Variants in DGCR2 observed in about 807,000 individuals in gnomAD.
DGCR2 encodes DiGeorge syndrome critical region gene 2.
DGCR2 carries 24 observed loss-of-function variants against 51.6 expected under a neutral mutation model. That is an observed-to-expected ratio of 0.47 (90% CI 0.34 to 0.65). The LOEUF (loss-of-function observed/expected upper bound fraction) is 0.65, where lower values mean the gene tolerates loss of function less well. DGCR2 is among the 30% of genes least tolerant of loss of function. The pLI is 0.01. For synonymous variants in DGCR2, 340 were observed against 315.4 expected, an observed-to-expected ratio of 1.08 and a Z score of -0.82; for missense variants, 765 against 772.1, an observed-to-expected ratio of 0.99 and a Z score of 0.11.
At position 19,078,228 on chromosome 22, in the gene DGCR2, GAT is replaced by G. The variant is rs535492623; in HGVS notation, c.203-10005_203-10004del. The stretch of plus-strand genomic sequence containing the variant: ...TAGTACAGACAGACCCCCAACTTAT[GAT>G]AGTTTGACTAAAAAATTTTTCGACT... On this transcript the variant is annotated intron_variant, in intron 2 of 9. Coordinates refer to ENST00000263196, the MANE Select transcript of DGCR2 (RefSeq NM_005137.3). Among the ~76,000 whole-genome samples, 236 of 152,306 alleles carry G rather than the reference GAT, an allele frequency of 1.5e-3. 1 individual carries two copies. Among genetic ancestry groups the G allele is most frequent in the African/African-American group, 5.4e-3 (223 of 41,564 alleles).
chr22:19,097,986 A>G (rs1433032348), intron 1 of DGCR2, among the ~76,000 whole-genome samples: 1 of 152,220 alleles, frequency 6.6e-6, no homozygotes, highest in African/African-American at 2.4e-5. Flanking sequence ...GGCTCAGGGA[A>G]AAGTTCCTCC....
chr22:19,117,837 C>G (rs764652062), intron 1 of DGCR2, among the ~76,000 whole-genome samples: 2 of 152,066 alleles, frequency 1.3e-5, no homozygotes, highest in Non-Finnish European at 2.9e-5. Context: ...ACATCACTTT[C>G]CAACTAAAAA....
chr22:19,058,080 A>C (rs1290621172), intron 5 of DGCR2, among the ~76,000 whole-genome samples: 1 of 152,146 alleles, frequency 6.6e-6, no homozygotes, highest in African/African-American at 2.4e-5. Context: ...CACCCCATTT[A>C]TAAGCCTCCA....
In DGCR2 at chr22:19,057,940, C is replaced by G. The variant is rs763205022; in HGVS notation, c.626-778G>C. Among the ~76,000 whole-genome samples the G allele has an allele frequency of 2.0e-5, 3 of 152,130 alleles. No homozygotes were observed. The highest frequency in any genetic ancestry group is 4.4e-5 in the Non-Finnish European group (3 of 68,004). On this transcript the variant is annotated intron_variant, in intron 5 of 9. Coordinates refer to ENST00000263196, the MANE Select transcript of DGCR2 (RefSeq NM_005137.3). The surrounding 1 kb of genome is among the most constrained non-coding windows in gnomAD (Gnocchi z 5.1). ...CTCTCCCCTGCACGGCCCTTCCAGT[C>G]TGGGCTGCCAAGATTCCTTGAGGCT...
rs2082368280 is a variant in DGCR2 at position 19,036,324 on chromosome 22, A to T, written c.*2541T>A. ...GTTTATTTGGCATTTGGATGAAATG[A>T]TTCTCACAGCATCTTAAGAAAAGTT... On this transcript the variant is annotated 3_prime_UTR_variant, in exon 10 of 10. Transcript: ENST00000263196. 1 of 152,574 alleles carries T rather than the reference A, an allele frequency of 6.6e-6. No individual in the cohort carries two copies. Among genetic ancestry groups the T allele is most frequent in the Non-Finnish European group, 1.5e-5 (1 of 68,048 alleles). The allele number at this position is 152,574 out of a possible 1,614,324, so 9.5% of individuals were successfully genotyped here.
intron 2 of DGCR2, among the ~76,000 whole-genome samples, chr22:19,085,451 C>A (rs2083004302): frequency 6.6e-6 from 1 of 152,242 alleles, no homozygotes; most frequent in African/African-American, 2.4e-5. Context: ...CCAACATACA[C>A]TATGGCCTGA....
intron 2 of DGCR2, 88 bp downstream of exon 2, chr22:19,089,280 C>G (rs1448849328): frequency 2.1e-6 from 3 of 1,401,646 alleles, no homozygotes; most frequent in African/African-American, 2.9e-5. Context: ...TAAGACAGCA[C>G]ACACCTCCAC....
chr22:19,077,070 G>A (rs2082886135), intron 2 of DGCR2, among the ~76,000 whole-genome samples: 2 of 152,166 alleles, frequency 1.3e-5, no homozygotes, highest in South Asian at 4.1e-4. Flanking sequence ...TGAGCTGTGG[G>A]AATTCTTTTT....
chr22:19,111,947 C>T (rs1329667108), intron 1 of DGCR2, among the ~76,000 whole-genome samples: 1 of 151,176 alleles, frequency 6.6e-6, no homozygotes, highest in African/African-American at 2.4e-5. Context: ...AGGCTCAGGA[C>T]TGTCAGAAAT....
chr22:19,084,079 C>T (rs1429139611), intron 2 of DGCR2, among the ~76,000 whole-genome samples: 1 of 152,272 alleles, frequency 6.6e-6, no homozygotes, highest in East Asian at 1.9e-4. Flanking sequence ...ACAACCTCCA[C>T]CTCCCAGCCG....
chr22:19,041,849 G>A lies in DGCR2; in HGVS notation c.1117C>T (p.Gln373Ter), dbSNP rs779328256. The part of the protein sequence containing the change: ...LLLFMVHRLR[Q>*]RRRERIESLI... ...GACTCGATGCGCTCCCGGCGCCGCT[G>A]GCGCAGCCGGTGGACCATGAAGAGC... Residue 373 changes from glutamine to a stop codon, truncating the protein, a stop_gained, in exon 8 of 10, where the codon CAG (glutamine) becomes TAG (stop). Coordinates refer to ENST00000263196, the MANE Select transcript of DGCR2 (RefSeq NM_005137.3). LOFTEE classifies it high-confidence loss of function. 6.2e-7 allele frequency: 1 copy of A among 1,613,098 alleles called. No homozygotes were observed. Among genetic ancestry groups the A allele is most frequent in the South Asian group, 1.1e-5 (1 of 91,036 alleles).
chr22:19,079,273 A>G (rs2082911483), intron 2 of DGCR2, among the ~76,000 whole-genome samples: 1 of 152,212 alleles, frequency 6.6e-6, no homozygotes, highest in Admixed American at 6.5e-5. Context: ...TTCAACTGGT[A>G]AGTATAATGT....
At chr22:19,082,226 T>TC (rs2082947344) in intron 2 of DGCR2, among the ~76,000 whole-genome samples, 1 of 138,284 alleles carries the variant, frequency 7.2e-6, no homozygotes, top group Non-Finnish European at 1.5e-5. Context: ...TTATTTCTTT[T>TC]TTTTTTTTTT....
At chr22:19,085,814 A>G (rs986700037) in intron 2 of DGCR2, among the ~76,000 whole-genome samples, 1 of 152,182 alleles carries the variant, frequency 6.6e-6, no homozygotes, top group African/African-American at 2.4e-5. Flanking sequence ...GAAGTCCTGA[A>G]GTCTAGTTCA....
At chr22:19,050,274 C>CAAACAACTGACTTCTCAGCAG (rs1352855972) in intron 6 of DGCR2, among the ~76,000 whole-genome samples, 1 of 152,316 alleles carries the variant, frequency 6.6e-6, no homozygotes, top group East Asian at 1.9e-4. Context: ...CCCAATAAGA[C>CAAACAACTGACTTCTCAGCAG]AAACAACTGA....
chr22:19,078,155 G>A (rs1357662949), intron 2 of DGCR2, among the ~76,000 whole-genome samples: 2 of 152,130 alleles, frequency 1.3e-5, no homozygotes, highest in Non-Finnish European at 1.5e-5. Flanking sequence ...TTAACATTTT[G>A]TAGTTGTCAG....
At chr22:19,095,577 C>T (rs1037717947) in intron 1 of DGCR2, among the ~76,000 whole-genome samples, 9 of 149,692 alleles carry the variant, frequency 6.0e-5, no homozygotes, top group African/African-American at 2.2e-4. Flanking sequence ...AGAAGAATGG[C>T]GTGAACCCAG....
At chr22:19,098,232 G>C (rs961814495) in intron 1 of DGCR2, among the ~76,000 whole-genome samples, 1 of 152,092 alleles carries the variant, frequency 6.6e-6, no homozygotes, top group Non-Finnish European at 1.5e-5. Context: ...CACTCTCCAG[G>C]AACCCCTCCC....
intron 1 of DGCR2, among the ~76,000 whole-genome samples, chr22:19,119,022 G>C (rs959943500): frequency 1.3e-5 from 2 of 152,120 alleles, no homozygotes; most frequent in Non-Finnish European, 1.5e-5. Flanking sequence ...AACACAGAAG[G>C]GATTTGGCAG....
Sources: allele counts gnomAD v4.1 joint callset (sites outside exome capture counted in the v4.1 genomes callset), GRCh38; gene constraint gnomAD v4.1.1; non-coding constraint Gnocchi (gnomAD v3.1); transcripts MANE v1.5; gene names NCBI Gene and HGNC (gene_info 2026-07-23, HGNC 2026-07-21).